Variants in MAP4K3 observed in about 807,000 individuals in gnomAD.
MAP4K3 encodes the protein mitogen-activated protein kinase kinase kinase kinase 3, also known as MAPK/ERK kinase kinase kinase 3.
A neutral mutation model predicts 143.5 loss-of-function variants in MAP4K3; 94 were observed. The ratio of observed to expected loss-of-function variants is 0.65; its 90% CI spans 0.55 to 0.78. The LOEUF is 0.78. MAP4K3 is among the 30% of genes least tolerant of loss of function. The pLI is 0.00. For missense variants in MAP4K3, 1,077 were observed against 1,068.1 expected (o/e 1.01, Z -0.12); for synonymous variants, 416 against 347.2 (o/e 1.20, Z -2.20).
intron 21 of MAP4K3, among the ~76,000 whole-genome samples, chr2:39,286,329 C>A (rs1681775164): frequency 6.6e-6 from 1 of 152,226 alleles, no homozygotes; most frequent in Non-Finnish European, 1.5e-5. Context: ...CACTTGCCCA[C>A]TGCTCACCTC....
intron 3 of MAP4K3, among the ~76,000 whole-genome samples, chr2:39,346,243 G>A (rs974648539): frequency 6.6e-6 from 1 of 152,096 alleles, no homozygotes; most frequent in Non-Finnish European, 1.5e-5. Flanking sequence ...TTAGCTGAAA[G>A]CTATCGTTAA....
At chr2:39,320,861 T>C (rs1683278687) in intron 12 of MAP4K3, among the ~76,000 whole-genome samples, 1 of 152,180 alleles carries the variant, frequency 6.6e-6, no homozygotes, top group Non-Finnish European at 1.5e-5. Flanking sequence ...CTTAGATCTA[T>C]CTTTGTGGAA....
chr2:39,420,463 C>T (rs1055708808), intron 1 of MAP4K3, among the ~76,000 whole-genome samples: 1 of 152,010 alleles, frequency 6.6e-6, no homozygotes, highest in Non-Finnish European at 1.5e-5. Context: ...GTTGCCTAGG[C>T]TGGAGTGCAG....
At chr2:39,334,152 C>G (rs1204168686) in intron 6 of MAP4K3, among the ~76,000 whole-genome samples, 1 of 152,150 alleles carries the variant, frequency 6.6e-6, no homozygotes, top group Non-Finnish European at 1.5e-5. Flanking sequence ...CAACTAGCCA[C>G]AGGCCCACAA....
At position 39,369,914 on chromosome 2, in the gene MAP4K3, A is replaced by C. The variant is rs373592959; in HGVS notation, c.154+8152T>G. 4.6e-5 allele frequency among the ~76,000 whole-genome samples: 7 copies of C among 152,320 alleles called. No homozygotes were observed. The East Asian group carries it at 9.6e-4, about 21-fold the overall frequency. On this transcript the variant is annotated intron_variant, in intron 2 of 33. Coordinates refer to ENST00000263881, the MANE Select transcript of MAP4K3 (RefSeq NM_003618.4). Reference sequence around the variant, plus strand: ...TTCCTTACTGCCAGCACCACCACCTACATATGCACACACACTCTGCTCAAT... The same window carrying C: ...TTCCTTACTGCCAGCACCACCACCTCCATATGCACACACACTCTGCTCAAT...
intron 15 of MAP4K3, among the ~76,000 whole-genome samples, chr2:39,306,729 T>G (rs1329786992): frequency 6.6e-6 from 1 of 152,204 alleles, no homozygotes; most frequent in African/African-American, 2.4e-5. Context: ...TGTTTCCAAT[T>G]GCTGTGAAAC....
chr2:39,258,207 C>T, intron 31 of MAP4K3, 141 bp downstream of exon 31: 2 of 662,956 alleles, frequency 3.0e-6, no homozygotes, highest in Non-Finnish European at 2.5e-6. Context: ...GCTGGGATTA[C>T]AGGCATGAGC....
At chr2:39,259,388 T>C (rs962546754) in intron 29 of MAP4K3, among the ~76,000 whole-genome samples, 3 of 152,146 alleles carry the variant, frequency 2.0e-5, no homozygotes, top group Admixed American at 2.0e-4. Flanking sequence ...AGTCTGGTAA[T>C]TGCTGCTACA....
chr2:39,251,734 G>T (rs2148428354), intron 33 of MAP4K3, 96 bp downstream of exon 33: 2 of 988,610 alleles, frequency 2.0e-6, no homozygotes, highest in Non-Finnish European at 3.1e-6. Context: ...TGAACATATT[G>T]CAGACATTTC....
chr2:39,292,446 C>T (rs548195973), intron 18 of MAP4K3, among the ~76,000 whole-genome samples: 2 of 152,290 alleles, frequency 1.3e-5, no homozygotes, highest in East Asian at 1.9e-4. Context: ...TGTGCATACA[C>T]TGAGGAAAGG....
chr2:39,347,134 T>C (rs969471444), intron 3 of MAP4K3, among the ~76,000 whole-genome samples: 1 of 152,276 alleles, frequency 6.6e-6, no homozygotes, highest in Admixed American at 6.5e-5. Context: ...AGAGACTACA[T>C]GAAGTGTGAA....
chr2:39,267,774 C>T (rs184640875), intron 26 of MAP4K3, among the ~76,000 whole-genome samples: 4 of 151,480 alleles, frequency 2.6e-5, no homozygotes, highest in African/African-American at 9.7e-5. Flanking sequence ...TGAAAACAAA[C>T]TATAGAAGTC....
intron 16 of MAP4K3, among the ~76,000 whole-genome samples, chr2:39,299,137 CCAT>C (rs1682406897): frequency 6.6e-6 from 1 of 151,940 alleles, no homozygotes; most frequent in Non-Finnish European, 1.5e-5. Flanking sequence ...ATTCTGTCTC[CCAT>C]CATACCTGGC....
chr2:39,313,832 T>C (rs1406090714), intron 13 of MAP4K3, among the ~76,000 whole-genome samples: 4 of 152,034 alleles, frequency 2.6e-5, no homozygotes, highest in Admixed American at 2.6e-4. Context: ...TAGTTTGAAA[T>C]AGCATACACA....
chr2:39,272,123 C>T, intron 26 of MAP4K3, 160 bp downstream of exon 26: 2 of 474,368 alleles, frequency 4.2e-6, no homozygotes, highest in East Asian at 6.6e-5. Flanking sequence ...AATTTTAGAA[C>T]AAGAGTGTGA....
chr2:39,339,517 G>A (rs978047295), intron 4 of MAP4K3, among the ~76,000 whole-genome samples: 6 of 152,172 alleles, frequency 3.9e-5, no homozygotes, highest in Admixed American at 2.0e-4. Flanking sequence ...TTAGGGGAAG[G>A]TTAATCCTGG....
At chr2:39,298,020 G>A (rs1448083869) in intron 16 of MAP4K3, among the ~76,000 whole-genome samples, 2 of 151,626 alleles carry the variant, frequency 1.3e-5, no homozygotes, top group Non-Finnish European at 2.9e-5. Context: ...TTTGTACTTT[G>A]CATGTACAGA....
chr2:39,429,064 CAAAAAAA>C (rs34783806), intron 1 of MAP4K3, among the ~76,000 whole-genome samples: 13 of 60,104 alleles, frequency 2.2e-4, no homozygotes, highest in African/African-American at 9.9e-4. Context: ...GACTCCGTCT[CAAAAAAA>C]AAAAAAAAAA....
intron 2 of MAP4K3, among the ~76,000 whole-genome samples, chr2:39,357,210 C>T (rs1022539597): frequency 6.6e-6 from 1 of 152,184 alleles, no homozygotes; most frequent in Non-Finnish European, 1.5e-5. Context: ...TGGAGAGAAA[C>T]AGAACTGCAG....
Sources: gnomAD v4.1 joint callset for allele counts (sites outside exome capture counted in the v4.1 genomes callset) on GRCh38, gnomAD v4.1.1 for gene constraint, MANE v1.5 for transcripts, NCBI Gene and HGNC (gene_info 2026-07-23, HGNC 2026-07-21) for gene names.